DLGAP5: variants seen among roughly 807,000 people sequenced by gnomAD.
DLGAP5 encodes disks large-associated protein 5.
A neutral mutation model predicts 99.6 loss-of-function variants in DLGAP5; 90 were observed. The observed-to-expected ratio is 0.90, with a 90% CI of 0.76 to 1.08. The LOEUF (loss-of-function observed/expected upper bound fraction) is 1.08. Ranked by LOEUF, DLGAP5 falls within the 50% of genes least tolerant of loss-of-function variation. DLGAP5 has a pLI of 0.00. For missense variants in DLGAP5, 1,036 were observed against 983.5 expected, an observed-to-expected ratio of 1.05 and a Z score of -0.71; for synonymous variants, 311 against 321.3, an observed-to-expected ratio of 0.97 and a Z score of 0.34.
At position 55,182,444 on chromosome 14, in the gene DLGAP5, C is replaced by T. The variant is rs772445460; in HGVS notation, c.433-12G>A. 36 of 1,596,854 alleles carry T rather than the reference C, an allele frequency of 2.3e-5. 1 individual carries two copies. The East Asian group carries it at 8.1e-4, about 36-fold the overall frequency. On this transcript the variant is annotated splice_polypyrimidine_tract_variant and intron_variant, in intron 3 of 18. Coordinates refer to ENST00000247191, the MANE Select transcript of DLGAP5 (RefSeq NM_014750.5). ...GAAGATGGAATAGCCTTAGAACAGTCAAAAGAAGATGAACTTAAAATATGA... is the reference window on the plus strand; with the variant it reads ...GAAGATGGAATAGCCTTAGAACAGTTAAAAGAAGATGAACTTAAAATATGA...
At chr14:55,188,685 A>G (rs1245070620) in intron 2 of DLGAP5, among the ~76,000 whole-genome samples, 1 of 151,798 alleles carries the variant, frequency 6.6e-6, no homozygotes, top group Admixed American at 6.6e-5. Flanking sequence ...GGCTGAGGCA[A>G]GATAATTCCT....
intron 17 of DLGAP5, 148 bp downstream of exon 17, chr14:55,151,547 A>C: frequency 3.4e-6 from 3 of 885,334 alleles, no homozygotes; most frequent in Non-Finnish European, 4.9e-6. Context: ...ATCTTGAGGG[A>C]ATTGTTCTAA....
intron 12 of DLGAP5, among the ~76,000 whole-genome samples, chr14:55,163,385 T>A: frequency 6.6e-6 from 1 of 152,228 alleles, no homozygotes. Context: ...AATTACACAA[T>A]GTGAACACAA....
chr14:55,154,771 G>A lies in DLGAP5; in HGVS notation c.1909C>T (p.Leu637Phe), dbSNP rs748619222. ...SVSSEGPSQR[L>F]GTPKSVNKAV... ...TTGTTGACAGACTTAGGTGTTCCAA[G>A]TCTTTGAGAAGGGCCTTCAGAAGAG... The change falls in exon 15 of 19, where the codon CTT becomes TTT. Residue 637 changes from leucine (L) to phenylalanine (F), a missense_variant. Transcript: ENST00000247191. The A allele has an allele frequency of 9.3e-6, 15 of 1,613,984 alleles. No individual in the cohort carries two copies. In the East Asian group the frequency reaches 3.1e-4, roughly 34 times the overall value.
intron 1 of DLGAP5, among the ~76,000 whole-genome samples, chr14:55,189,767 A>G (rs1266231345): frequency 2.0e-5 from 3 of 152,196 alleles, no homozygotes; most frequent in Admixed American, 2.0e-4. Flanking sequence ...GTATTCACCT[A>G]AGAAGCTCTC....
intron 13 of DLGAP5, among the ~76,000 whole-genome samples, chr14:55,160,020 T>C (rs1193245361): frequency 1.3e-5 from 2 of 151,834 alleles, no homozygotes; most frequent in Admixed American, 6.6e-5. Flanking sequence ...CTGGCCAACA[T>C]GGAGAAACAC....
chr14:55,170,833 T>A, intron 10 of DLGAP5, 46 bp from the exon 11 acceptor site: 4 of 1,382,860 alleles, frequency 2.9e-6, no homozygotes, highest in Non-Finnish European at 4.1e-6. Context: ...GTTTTTACAC[T>A]AGTAGCTAAG....
chr14:55,183,655 C>A lies in DLGAP5; in HGVS notation c.337G>T (p.Ala113Ser). Residue 113 changes from alanine (A) to serine (S), a missense_variant, in exon 3 of 19, where the codon GCT becomes TCT. Transcript: ENST00000247191. ...CCCACTTTAAATATTCCTCGTTTAG[C>A]TTTCTCTCTCTGCTCTTTCAATTTT... ...LQKLKEQREK[A>S]KRGIFKVGRY... is the part of the protein sequence containing the mutation. The A allele has an allele frequency of 6.2e-7, 1 of 1,612,446 alleles. No individual in the cohort carries two copies. The highest frequency in any genetic ancestry group is 1.1e-5 in the South Asian group (1 of 90,558).
intron 10 of DLGAP5, among the ~76,000 whole-genome samples, chr14:55,171,909 C>CA (rs1486304463): frequency 2.0e-5 from 3 of 152,072 alleles, no homozygotes; most frequent in African/African-American, 7.2e-5. Context: ...TTAGCAGAGT[C>CA]AAAATCAGAG....
chr14:55,190,443 A>G (rs1883575139), intron 1 of DLGAP5, among the ~76,000 whole-genome samples: 1 of 152,156 alleles, frequency 6.6e-6, no homozygotes, highest in Non-Finnish European at 1.5e-5. Context: ...GAACAAAGAA[A>G]ATTAGAAAGT....
At chr14:55,150,622 CTATATTT>C in intron 18 of DLGAP5, 170 bp downstream of exon 18, 1 of 435,408 alleles carries the variant, frequency 2.3e-6, no homozygotes, top group Non-Finnish European at 4.1e-6. Flanking sequence ...TTAAAACATA[CTATATTT>C]TAAAGTATAT....
At chr14:55,172,326 T>TA (rs1252402894) in intron 10 of DLGAP5, among the ~76,000 whole-genome samples, 151 of 101,822 alleles carry the variant, frequency 1.5e-3, no homozygotes, top group African/African-American at 4.3e-3. Context: ...AATCTCTACT[T>TA]AAAAAAAAAA....
chr14:55,153,702 A>G (rs952169735), intron 15 of DLGAP5, among the ~76,000 whole-genome samples: 1 of 152,196 alleles, frequency 6.6e-6, no homozygotes, highest in Admixed American at 6.5e-5. Flanking sequence ...AACATTTTTA[A>G]AGAGTACTTA....
intron 12 of DLGAP5, among the ~76,000 whole-genome samples, chr14:55,168,766 G>C (rs1263255644): frequency 4.6e-5 from 7 of 152,076 alleles, no homozygotes; most frequent in African/African-American, 1.4e-4. Context: ...CACACAACAG[G>C]AACTCAGTAA....
chr14:55,155,624 A>T (rs964421662), intron 14 of DLGAP5, among the ~76,000 whole-genome samples: 10 of 152,258 alleles, frequency 6.6e-5, no homozygotes, highest in African/African-American at 2.4e-4. Flanking sequence ...CTGGGATTAC[A>T]GGTGTGAGCC....
At chr14:55,189,861 A>C (rs1375381889) in intron 1 of DLGAP5, among the ~76,000 whole-genome samples, 1 of 152,166 alleles carries the variant, frequency 6.6e-6, no homozygotes, top group African/African-American at 2.4e-5. Context: ...CTGGTGATCA[A>C]GTCAACCTTC....
intron 14 of DLGAP5, among the ~76,000 whole-genome samples, chr14:55,156,616 T>A (rs1216223076): frequency 6.6e-6 from 1 of 152,170 alleles, no homozygotes; most frequent in East Asian, 1.9e-4. Context: ...GCAGAGAGTT[T>A]CCAGTCAGCT....
intron 7 of DLGAP5, among the ~76,000 whole-genome samples, chr14:55,179,003 C>T (rs1460840840): frequency 2.6e-5 from 4 of 151,948 alleles, no homozygotes; most frequent in Admixed American, 6.6e-5. Flanking sequence ...GCCAAGATCG[C>T]GCCATTGCAC....
intron 10 of DLGAP5, 64 bp downstream of exon 10, chr14:55,175,280 TTA>T: frequency 6.7e-7 from 1 of 1,487,096 alleles, no homozygotes; most frequent in Non-Finnish European, 9.1e-7. Flanking sequence ...TTAAAAATTT[TTA>T]GTTTTGGTTT....
Sources: allele counts gnomAD v4.1 joint callset (sites outside exome capture counted in the v4.1 genomes callset), GRCh38; gene constraint gnomAD v4.1.1; transcripts MANE v1.5; gene names NCBI Gene and HGNC (gene_info 2026-07-23, HGNC 2026-07-21).